Variants in HIVEP1 observed in about 807,000 individuals in gnomAD.
HIVEP1 encodes the protein HIVEP zinc finger 1.
Under a neutral mutation model 180.0 loss-of-function variants are expected in HIVEP1, and 36 were observed. The observed-to-expected ratio is 0.20, with a 90% CI of 0.15 to 0.26. HIVEP1 has a LOEUF of 0.26. HIVEP1 is among the 10% of genes least tolerant of loss of function. The pLI is 1.00. For missense variants in HIVEP1, 3,143 were observed against 3,268.7 expected (o/e 0.96, Z 0.94); for synonymous variants, 1,239 against 1,239.0 (o/e 1.00, Z 0.00).
chr6:12,062,814 C>T (rs562676032), intron 2 of HIVEP1, among the ~76,000 whole-genome samples: 1 of 152,298 alleles, frequency 6.6e-6, no homozygotes. Context: ...AACACCCACA[C>T]GTTACTGTCA....
At chr6:12,084,224 T>C (rs1772970471) in intron 2 of HIVEP1, among the ~76,000 whole-genome samples, 1 of 152,144 alleles carries the variant, frequency 6.6e-6, no homozygotes, top group African/African-American at 2.4e-5. Context: ...ATTTTACTAG[T>C]TCATCACAAT....
At chr6:12,026,702 A>G (rs1768608193) in intron 2 of HIVEP1, among the ~76,000 whole-genome samples, 2 of 152,220 alleles carry the variant, frequency 1.3e-5, no homozygotes, top group South Asian at 4.1e-4. Context: ...TTAACATTAA[A>G]AAACAACCTT....
chr6:12,125,482 A>G lies in HIVEP1; in HGVS notation c.5687A>G (p.Lys1896Arg), dbSNP rs1423463219. ...LKCTDNNQER[K>R]SPGVKNQGDK... The stretch of plus-strand genomic sequence containing the variant: ...TGTACAGACAATAACCAAGAAAGGA[A>G]GTCTCCAGGGGTTAAAAATCAAGGT... The change falls in exon 4 of 9, where the codon AAG becomes AGG. Residue 1896 changes from lysine (K) to arginine (R), a missense_variant. Around this residue, in one of 12 missense-constraint regions of HIVEP1, gnomAD observed 1,357 missense variants for 1,260.5 expected, o/e 1.08. Coordinates refer to ENST00000379388, the MANE Select transcript of HIVEP1 (RefSeq NM_002114.4). The G allele has an allele frequency of 6.2e-7, 1 of 1,613,984 alleles. No individual in the cohort carries two copies. Among genetic ancestry groups the G allele is most frequent in the Admixed American group, 1.7e-5 (1 of 59,994 alleles).
At chr6:12,105,804 A>C (rs111581746) in intron 3 of HIVEP1, among the ~76,000 whole-genome samples, 26 of 152,028 alleles carry the variant, frequency 1.7e-4, no homozygotes, top group Non-Finnish European at 3.4e-4. Context: ...AAGGTGAGCT[A>C]AATATTTATT....
intron 7 of HIVEP1, among the ~76,000 whole-genome samples, chr6:12,152,361 T>C (rs1314514761): frequency 2.0e-5 from 3 of 152,072 alleles, no homozygotes; most frequent in African/African-American, 7.3e-5. Flanking sequence ...CCTTTCTGGG[T>C]CTTTTATCAG....
At chr6:12,027,753 G>A (rs923013116) in intron 2 of HIVEP1, among the ~76,000 whole-genome samples, 1 of 152,174 alleles carries the variant, frequency 6.6e-6, no homozygotes, top group African/African-American at 2.4e-5. Flanking sequence ...CAGGTCATCT[G>A]AGTGATTGAT....
chr6:12,119,701 A>G (rs978083271), intron 3 of HIVEP1, among the ~76,000 whole-genome samples, 189 bp from the exon 4 acceptor site: 1 of 152,216 alleles, frequency 6.6e-6, no homozygotes, highest in African/African-American at 2.4e-5. Context: ...GTTTCAATAG[A>G]TTTTGATTGG....
chr6:12,052,072 G>T (rs188004310), intron 2 of HIVEP1, among the ~76,000 whole-genome samples: 4 of 152,234 alleles, frequency 2.6e-5, no homozygotes, highest in African/African-American at 7.2e-5. Flanking sequence ...TTGCTAACTT[G>T]TGAAACATGC....
At chr6:12,115,481 A>T (rs1383390349) in intron 3 of HIVEP1, among the ~76,000 whole-genome samples, 1 of 149,676 alleles carries the variant, frequency 6.7e-6, no homozygotes, top group Non-Finnish European at 1.5e-5. Flanking sequence ...TGACAGGGGC[A>T]GTGCTGCTGA....
chr6:12,025,539 A>G (rs1768522149), intron 2 of HIVEP1, among the ~76,000 whole-genome samples: 1 of 152,206 alleles, frequency 6.6e-6, no homozygotes, highest in South Asian at 2.1e-4. Context: ...TTAAGTGGGA[A>G]TCTCCGCCTA....
the HIVEP1 span, among the ~76,000 whole-genome samples, chr6:12,196,512 A>C: frequency 6.6e-6 from 1 of 152,200 alleles, no homozygotes; most frequent in Non-Finnish European, 1.5e-5. Flanking sequence ...TGTTGCCTCT[A>C]TCCCACAGCT....
chr6:12,188,876 G>A, the HIVEP1 span, among the ~76,000 whole-genome samples: 3 of 151,794 alleles, frequency 2.0e-5, no homozygotes, highest in Non-Finnish European at 4.4e-5. Context: ...AAATAAATAA[G>A]CAAGAAAAAA....
chr6:12,181,738 A>G, the HIVEP1 span, among the ~76,000 whole-genome samples: 1 of 152,228 alleles, frequency 6.6e-6, no homozygotes, highest in South Asian at 2.1e-4. Context: ...AAATGTGAAT[A>G]TTATCCTGGA....
chr6:12,027,511 G>A (rs1173388405), intron 2 of HIVEP1, among the ~76,000 whole-genome samples: 1 of 152,180 alleles, frequency 6.6e-6, no homozygotes, highest in Admixed American at 6.5e-5. Context: ...GTCAGGTAGC[G>A]TACTCTCCTT....
the HIVEP1 span, among the ~76,000 whole-genome samples, chr6:12,179,817 C>T: frequency 2.0e-5 from 3 of 151,974 alleles, no homozygotes; most frequent in African/African-American, 7.2e-5. Flanking sequence ...ACAGTAGTTA[C>T]TTATAAATAA....
rs371263095 is a variant in HIVEP1, at chr6:12,020,722, T to C, written c.40+5054T>C. On this transcript the variant is annotated intron_variant, in intron 2 of 8. Coordinates refer to ENST00000379388, the MANE Select transcript of HIVEP1 (RefSeq NM_002114.4). The stretch of plus-strand genomic sequence containing the variant: ...TTTCAGAGCTTCATTTCCTTTAAGA[T>C]TGGAAGTCAGTGTGGAAAATACTAA... Among the ~76,000 whole-genome samples the C allele has an allele frequency of 7.2e-5, 11 of 152,296 alleles. No individual in the cohort carries two copies. In the East Asian group the frequency reaches 1.9e-3, roughly 27 times the overall value.
At chr6:12,105,014 A>G (rs766191738) in intron 3 of HIVEP1, among the ~76,000 whole-genome samples, 5 of 152,216 alleles carry the variant, frequency 3.3e-5, no homozygotes, top group Non-Finnish European at 5.9e-5. Flanking sequence ...ATCTTTGAAT[A>G]TATGATGGAC....
intron 2 of HIVEP1, among the ~76,000 whole-genome samples, chr6:12,029,999 C>T (rs913496224): frequency 5.9e-5 from 9 of 152,006 alleles, no homozygotes; most frequent in African/African-American, 2.2e-4. Context: ...AGCAACGTTG[C>T]TTTTTTAATA....
chr6:12,073,512 T>A (rs1772126011), intron 2 of HIVEP1, among the ~76,000 whole-genome samples: 1 of 152,174 alleles, frequency 6.6e-6, no homozygotes, highest in East Asian at 1.9e-4. Flanking sequence ...TCAGTAATAC[T>A]GCTTCCTGCC....
Sources: gnomAD v4.1 joint callset for allele counts (sites outside exome capture counted in the v4.1 genomes callset) on GRCh38, gnomAD v4.1.1 for gene constraint, gnomAD v4.1.1 regional missense constraint, MANE v1.5 for transcripts, NCBI Gene and HGNC (gene_info 2026-07-23, HGNC 2026-07-21) for gene names.